The following CSMD2 variants were observed in gnomAD, a reference collection of about 807,000 sequenced individuals.
The protein encoded by CSMD2 is CUB and sushi domain-containing protein 2.
A neutral mutation model predicts 398.5 loss-of-function variants in CSMD2; 130 were observed. The observed-to-expected ratio is 0.33, with a 90% CI of 0.28 to 0.38. The LOEUF (loss-of-function observed/expected upper bound fraction) is 0.38, where lower values mean the gene tolerates loss of function less well. Among genes scored for constraint, CSMD2 ranks in the 10% least tolerant of loss-of-function variants. The pLI, the probability that CSMD2 is intolerant of heterozygous loss-of-function variation, is 1.00. For synonymous variants in CSMD2, 1,828 were observed against 1,908.5 expected (o/e 0.96, Z 1.10); for missense variants, 3,829 against 4,764.9 (o/e 0.80, Z 5.78).
intron 26 of CSMD2, among the ~76,000 whole-genome samples, chr1:33,661,540 C>A (rs1644133592): frequency 6.6e-6 from 1 of 152,192 alleles, no homozygotes; most frequent in South Asian, 2.1e-4. Context: ...TCTGCATCAG[C>A]CTGAGCACCT....
At chr1:34,009,573 C>A (rs1339618453) in intron 3 of CSMD2, among the ~76,000 whole-genome samples, 1 of 151,970 alleles carries the variant, frequency 6.6e-6, no homozygotes, top group Non-Finnish European at 1.5e-5. Flanking sequence ...CCTCTGCCTG[C>A]CCTGGGTCTC....
intron 19 of CSMD2, among the ~76,000 whole-genome samples, chr1:33,717,673 A>T (rs536923253): frequency 6.6e-6 from 1 of 151,908 alleles, no homozygotes; most frequent in South Asian, 2.1e-4. Flanking sequence ...TTGAGTCACC[A>T]GCAAATAGTT....
intron 1 of CSMD2, among the ~76,000 whole-genome samples, chr1:34,112,114 T>G (rs1379614816): frequency 6.6e-6 from 1 of 152,064 alleles, no homozygotes; most frequent in Non-Finnish European, 1.5e-5. Context: ...CAGGGAGTAG[T>G]AGAGAAATGT....
At chr1:33,874,866 A>G (rs10799000) in intron 5 of CSMD2, among the ~76,000 whole-genome samples, 19,004 of 152,256 alleles carry the variant, frequency 0.12, 1,486 homozygotes, top group East Asian at 0.23. Context: ...TCTAATTAGC[A>G]GCAGTGGGCA....
chr1:34,006,322 G>A (rs1165966549), intron 3 of CSMD2, among the ~76,000 whole-genome samples: 1 of 151,944 alleles, frequency 6.6e-6, no homozygotes, highest in East Asian at 1.9e-4. Flanking sequence ...AGAATTCTGT[G>A]TCCCCAAGAC....
At chr1:33,691,141 C>G (rs912877718) in intron 25 of CSMD2, among the ~76,000 whole-genome samples, 1 of 152,138 alleles carries the variant, frequency 6.6e-6, no homozygotes, top group South Asian at 2.1e-4. Context: ...AGGCCATGTA[C>G]AGGGGTCACC....
intron 1 of CSMD2, among the ~76,000 whole-genome samples, chr1:34,097,649 AAC>A (rs1659488122): frequency 9.2e-4 from 65 of 70,482 alleles, no homozygotes; most frequent in South Asian, 4.0e-3. Flanking sequence ...GCAGCCAAAA[AAC>A]ACATGAAAAA....
rs549789059 is a variant in CSMD2, at chr1:34,162,482, G to C, written c.187+2429C>G. Among the ~76,000 whole-genome samples, 6 of 152,218 alleles carry C rather than the reference G, an allele frequency of 3.9e-5. 1 individual carries two copies. The highest frequency in any genetic ancestry group is 1.2e-4 in the African/African-American group (5 of 41,520). On this transcript the variant is annotated intron_variant, in intron 1 of 70. Transcript: ENST00000373381. ...CCCTTCTAATGTACCAAATCCTGCC[G>C]ATCTTCTGTCACCAAGTCCATTTCC...
At chr1:34,005,321 C>T (rs1399843711) in intron 3 of CSMD2, among the ~76,000 whole-genome samples, 1 of 152,336 alleles carries the variant, frequency 6.6e-6, no homozygotes, top group Non-Finnish European at 1.5e-5. Flanking sequence ...AGTGAAAATA[C>T]AGACAGTGCT....
intron 13 of CSMD2, among the ~76,000 whole-genome samples, chr1:33,758,076 A>G (rs1203011427): frequency 6.6e-6 from 1 of 152,204 alleles, no homozygotes; most frequent in African/African-American, 2.4e-5. Context: ...TAGGGGCACA[A>G]AAGACTCTCA....
chr1:33,611,648 C>G (rs1471167681), intron 40 of CSMD2, among the ~76,000 whole-genome samples: 1 of 152,130 alleles, frequency 6.6e-6, no homozygotes, highest in Non-Finnish European at 1.5e-5. Context: ...AAAGACAAGA[C>G]CTTCAATACT....
intron 25 of CSMD2, among the ~76,000 whole-genome samples, chr1:33,666,650 T>G (rs1366858806): frequency 2.0e-5 from 3 of 152,024 alleles, no homozygotes; most frequent in African/African-American, 7.2e-5. Context: ...TTTATAGATA[T>G]AGGAGGGGAT....
At chr1:34,035,809 G>C (rs1651052658) in intron 2 of CSMD2, among the ~76,000 whole-genome samples, 1 of 150,128 alleles carries the variant, frequency 6.7e-6, no homozygotes, top group East Asian at 1.9e-4. Context: ...TTAAGATTGA[G>C]AAAAAGGCAA....
intron 32 of CSMD2, among the ~76,000 whole-genome samples, chr1:33,627,015 C>G (rs565467985): frequency 6.6e-6 from 1 of 152,138 alleles, no homozygotes; most frequent in African/African-American, 2.4e-5. Flanking sequence ...ATAGCATTGG[C>G]CTCTAGGAAG....
intron 8 of CSMD2, 75 bp from the exon 9 acceptor site, chr1:33,819,912 C>T: frequency 2.5e-6 from 4 of 1,583,298 alleles, no homozygotes; most frequent in Middle Eastern, 1.7e-4. Context: ...CCTGGTTCCA[C>T]AAAGAAGCCG....
chr1:33,580,748 C>T lies in CSMD2; in HGVS notation c.7387+5G>A. 6.2e-7 allele frequency: 1 copy of T among 1,613,892 alleles called. No homozygotes were observed. Among genetic ancestry groups the T allele is most frequent in the Non-Finnish European group, 8.5e-7 (1 of 1,179,918 alleles). ...CTGTGGCTTATTTGTGTTTTTTTCA[C>T]TCACCTGAATAGCGGATCTTGAAGC... On this transcript the variant is annotated splice_donor_5th_base_variant and intron_variant, in intron 48 of 70. Coordinates refer to ENST00000373381, the MANE Select transcript of CSMD2 (RefSeq NM_001281956.2).
At chr1:33,681,417 A>G (rs1644904963) in intron 25 of CSMD2, among the ~76,000 whole-genome samples, 1 of 152,188 alleles carries the variant, frequency 6.6e-6, no homozygotes, top group South Asian at 2.1e-4. Context: ...ATAATATATT[A>G]TACCATTTTA....
chr1:33,968,786 C>T (rs1645651061), intron 3 of CSMD2, among the ~76,000 whole-genome samples: 2 of 152,202 alleles, frequency 1.3e-5, no homozygotes, highest in South Asian at 4.1e-4. Context: ...TGAGAATGTA[C>T]ATGTGTTATT....
Position 33,557,730 on chromosome 1 carries a change from T to C in CSMD2, c.8743+4A>G. Reference sequence around the variant, plus strand: ...GTCATTTTGAGCAGGTGACATCTACTTACAGAGACACTGGGGGCGGGGACG... The same window carrying C: ...GTCATTTTGAGCAGGTGACATCTACCTACAGAGACACTGGGGGCGGGGACG... On this transcript the variant is annotated splice_donor_region_variant and intron_variant, in intron 55 of 70. Coordinates refer to ENST00000373381, the MANE Select transcript of CSMD2 (RefSeq NM_001281956.2). 1 of 1,535,310 alleles carries C rather than the reference T, an allele frequency of 6.5e-7. No homozygotes were observed. Among genetic ancestry groups the C allele is most frequent in the Non-Finnish European group, 8.7e-7 (1 of 1,146,678 alleles).
Sources: gnomAD v4.1 joint callset for allele counts (sites outside exome capture counted in the v4.1 genomes callset) on GRCh38, gnomAD v4.1.1 for gene constraint, MANE v1.5 for transcripts, NCBI Gene and HGNC (gene_info 2026-07-23, HGNC 2026-07-21) for gene names.